Variants in DPP10 observed in about 807,000 individuals in gnomAD.
DPP10 encodes the protein inactive dipeptidyl peptidase 10.
In DPP10, 33 loss-of-function variants were observed where a neutral mutation model predicts 120.9. The ratio of observed to expected loss-of-function variants is 0.27; its 90% CI spans 0.21 to 0.37. The LOEUF is 0.37. Among genes scored for constraint, DPP10 ranks in the 10% least tolerant of loss-of-function variants. The probability of loss-of-function intolerance (pLI) is 1.00; values close to 1 mark genes in which losing one functional copy is unlikely to be tolerated. For synonymous variants in DPP10, 337 were observed against 326.1 expected (o/e 1.03, Z -0.36); for missense variants, 816 against 942.8 (o/e 0.87, Z 1.76).
intron 1 of DPP10, among the ~76,000 whole-genome samples, chr2:115,221,754 G>GTTTTTTTT (rs56077672): frequency 8.6e-4 from 103 of 120,138 alleles, no homozygotes; most frequent in Middle Eastern, 4.6e-3. Flanking sequence ...GTTTGTTTCT[G>GTTTTTTTT]TTTTTTTTTT....
chr2:114,857,834 A>G (rs967476525), intron 1 of DPP10, among the ~76,000 whole-genome samples: 1 of 152,174 alleles, frequency 6.6e-6, no homozygotes, highest in Non-Finnish European at 1.5e-5. Flanking sequence ...AATTGTCCTT[A>G]CTTTAATCAG....
At chr2:114,759,370 G>A (rs1401335901) in intron 1 of DPP10, among the ~76,000 whole-genome samples, 1 of 152,120 alleles carries the variant, frequency 6.6e-6, no homozygotes, top group Non-Finnish European at 1.5e-5. Context: ...AATAAAGCAG[G>A]AACTGGTCTA....
At chr2:115,627,463 G>A (rs929036428) in intron 5 of DPP10, among the ~76,000 whole-genome samples, 1 of 152,160 alleles carries the variant, frequency 6.6e-6, no homozygotes, top group African/African-American at 2.4e-5. Flanking sequence ...TCAACAGAGG[G>A]AAAGGCCCCA....
intron 1 of DPP10, chr2:115,161,827 CT>C: frequency 2.2e-6 from 2 of 891,098 alleles, no homozygotes; most frequent in Non-Finnish European, 3.0e-6. Context: ...CGCCCCTCCG[CT>C]CCCCCCACCC....
At chr2:114,549,396 C>T (rs1573626525) in intron 1 of DPP10, among the ~76,000 whole-genome samples, 2 of 152,224 alleles carry the variant, frequency 1.3e-5, no homozygotes, top group South Asian at 4.2e-4. Context: ...GGAGCGGCAG[C>T]TCACGCCTAT....
chr2:115,173,492 G>A (rs969401363), intron 1 of DPP10, among the ~76,000 whole-genome samples: 1 of 152,126 alleles, frequency 6.6e-6, no homozygotes, highest in African/African-American at 2.4e-5. Flanking sequence ...AGCACCAACA[G>A]GTTATATAGG....
At chr2:115,308,170 C>G (rs921661332) in intron 1 of DPP10, among the ~76,000 whole-genome samples, 2 of 152,038 alleles carry the variant, frequency 1.3e-5, no homozygotes, top group Non-Finnish European at 2.9e-5. Context: ...ATGTTTTAAT[C>G]TGTGAGTCAC....
chr2:115,195,874 C>G, intron 1 of DPP10, among the ~76,000 whole-genome samples: 1 of 152,168 alleles, frequency 6.6e-6, no homozygotes, highest in South Asian at 2.1e-4. Flanking sequence ...TCTGCAAACC[C>G]TGATGCACCC....
intron 1 of DPP10, among the ~76,000 whole-genome samples, chr2:114,597,428 A>T (rs1247555071): frequency 6.6e-6 from 1 of 152,010 alleles, no homozygotes; most frequent in African/African-American, 2.4e-5. Context: ...TAAATATAGG[A>T]CATCAAATTG....
intron 1 of DPP10, among the ~76,000 whole-genome samples, chr2:114,528,501 G>C (rs1685693603): frequency 6.6e-6 from 1 of 151,922 alleles, no homozygotes; most frequent in Admixed American, 6.6e-5. Flanking sequence ...TCAAGGCAGG[G>C]ACTGCACTAT....
chr2:114,529,573 A>G (rs191164875), intron 1 of DPP10, among the ~76,000 whole-genome samples: 1 of 152,190 alleles, frequency 6.6e-6, no homozygotes, highest in Non-Finnish European at 1.5e-5. Flanking sequence ...TGGGACCTCC[A>G]GTTTTGAAGG....
Position 114,566,363 on chromosome 2 carries a change from AT to A in DPP10, c.60+123526del, listed in dbSNP as rs11326408. Among the ~76,000 whole-genome samples the A allele has an allele frequency of 8.5e-3, 1,292 of 152,028 alleles. 16 individuals are homozygous for A. Among genetic ancestry groups the A allele is most frequent in the African/African-American group, 0.029 (1,195 of 41,262 alleles). The stretch of plus-strand genomic sequence containing the variant: ...AAAAGAAATGATCACATTTAAAAAA[AT>A]AAATTTGTATGTAGAAATAATTTTA... On this transcript the variant is annotated intron_variant, in intron 1 of 25. Transcript: ENST00000410059.
chr2:115,409,063 C>T (rs1030536015), intron 3 of DPP10, among the ~76,000 whole-genome samples: 3 of 151,898 alleles, frequency 2.0e-5, no homozygotes, highest in African/African-American at 7.2e-5. Flanking sequence ...TACTGATAGA[C>T]TTTTAATTAG....
At chr2:115,261,851 A>C (rs1288609653) in intron 1 of DPP10, among the ~76,000 whole-genome samples, 1 of 152,218 alleles carries the variant, frequency 6.6e-6, no homozygotes, top group African/African-American at 2.4e-5. Context: ...GCTTCCTCCT[A>C]AAACACGTCA....
At chr2:115,070,924 A>C (rs1468694488) in intron 1 of DPP10, among the ~76,000 whole-genome samples, 1 of 152,174 alleles carries the variant, frequency 6.6e-6, no homozygotes, top group African/African-American at 2.4e-5. Flanking sequence ...TTTAGGCGTG[A>C]AATTTCCCAG....
chr2:115,698,623 G>T (rs1297910752), intron 7 of DPP10, among the ~76,000 whole-genome samples: 3 of 152,108 alleles, frequency 2.0e-5, no homozygotes, highest in Non-Finnish European at 4.4e-5. Context: ...TTGTCTCTCT[G>T]TGCATACTCA....
At chr2:115,779,285 A>G (rs1682475354) in intron 15 of DPP10, among the ~76,000 whole-genome samples, 2 of 152,092 alleles carry the variant, frequency 1.3e-5, no homozygotes, top group Non-Finnish European at 2.9e-5. Context: ...CAGTGTTACA[A>G]AGAAAATGTA....
At chr2:115,303,851 A>G (rs926896222) in intron 1 of DPP10, among the ~76,000 whole-genome samples, 4 of 151,994 alleles carry the variant, frequency 2.6e-5, no homozygotes, top group African/African-American at 7.2e-5. Context: ...TTGAATTTCT[A>G]TATCTCAAGG....
At chr2:115,652,213 T>C (rs2149380955) in intron 5 of DPP10, among the ~76,000 whole-genome samples, 2 of 152,174 alleles carry the variant, frequency 1.3e-5, no homozygotes, top group Non-Finnish European at 2.9e-5. Flanking sequence ...AATAAGTTTA[T>C]GGTTTAAGTA....
Sources: allele counts gnomAD v4.1 joint callset (sites outside exome capture counted in the v4.1 genomes callset), GRCh38; gene constraint gnomAD v4.1.1; transcripts MANE v1.5; gene names NCBI Gene and HGNC (gene_info 2026-07-23, HGNC 2026-07-21).